NAALADL2: variants seen among roughly 807,000 people sequenced by gnomAD.
NAALADL2 encodes the protein inactive N-acetylated-alpha-linked acidic dipeptidase-like protein 2.
A neutral mutation model predicts 87.2 loss-of-function variants in NAALADL2; 76 were observed. The observed-to-expected ratio is 0.87, with a 90% CI of 0.72 to 1.05. The LOEUF is 1.05. Among genes scored for constraint, NAALADL2 ranks in the 50% least tolerant of loss-of-function variants. NAALADL2 has a pLI of 0.00. For synonymous variants in NAALADL2, 354 were observed against 331.0 expected, an observed-to-expected ratio of 1.07 and a Z score of -0.75; for missense variants, 1,089 against 945.8, an observed-to-expected ratio of 1.15 and a Z score of -1.99.
chr3:175,182,201 A>G (rs2108997304), intron 2 of NAALADL2, among the ~76,000 whole-genome samples: 1 of 152,112 alleles, frequency 6.6e-6, no homozygotes, highest in African/African-American at 2.4e-5. Flanking sequence ...TCTTCTTTGG[A>G]AAAATGTCTA....
rs940604297 is a variant in NAALADL2, at chr3:174,853,237, G to A, written c.-9+115491G>A. On this transcript the variant is annotated intron_variant, in intron 3 of 3. Coordinates refer to the NAALADL2 transcript ENST00000434257. Reference sequence around the variant, plus strand: ...AAAAAAAAAAAAAAAAATTAGCCGGGTGTGGTGGCTCGCACCTGTAGTCCC... The same window carrying A: ...AAAAAAAAAAAAAAAAATTAGCCGGATGTGGTGGCTCGCACCTGTAGTCCC... 5.7e-5 allele frequency among the ~76,000 whole-genome samples: 8 copies of A among 139,322 alleles called. No individual in the cohort carries two copies. In the East Asian group the frequency reaches 1.3e-3, roughly 23 times the overall value. The allele number at this position is 139,322 out of a possible 152,430, so 91.4% of individuals were successfully genotyped here.
chr3:175,424,695 G>C (rs1057209459), intron 5 of NAALADL2, among the ~76,000 whole-genome samples: 3 of 151,930 alleles, frequency 2.0e-5, no homozygotes, highest in Middle Eastern at 3.2e-3. Context: ...AGCCTTGTAG[G>C]ATGGTTTGAA....
chr3:175,088,946 C>T (rs1286419493), intron 1 of NAALADL2, among the ~76,000 whole-genome samples: 2 of 151,964 alleles, frequency 1.3e-5, no homozygotes, highest in Admixed American at 1.3e-4. Context: ...GAAAACAGGT[C>T]GGCAGCAGGT....
At chr3:175,198,334 C>A (rs1264689558) in intron 2 of NAALADL2, among the ~76,000 whole-genome samples, 1 of 151,786 alleles carries the variant, frequency 6.6e-6, no homozygotes, top group Non-Finnish European at 1.5e-5. Flanking sequence ...TTTAAAAGTC[C>A]ATTTTTTCTA....
intron 9 of NAALADL2, among the ~76,000 whole-genome samples, chr3:175,526,827 T>G (rs957073761): frequency 6.6e-6 from 1 of 152,104 alleles, no homozygotes; most frequent in Non-Finnish European, 1.5e-5. Context: ...TACTTTCACT[T>G]TTAGGTGAAA....
intron 5 of NAALADL2, among the ~76,000 whole-genome samples, chr3:175,407,962 A>C (rs1712711291): frequency 6.6e-6 from 1 of 152,150 alleles, no homozygotes; most frequent in Admixed American, 6.5e-5. Context: ...CAATAGTTTT[A>C]ATTTACTTGG....
chr3:175,133,717 A>G (rs1383986557), intron 2 of NAALADL2, among the ~76,000 whole-genome samples: 1 of 152,074 alleles, frequency 6.6e-6, no homozygotes, highest in Non-Finnish European at 1.5e-5. Context: ...CCGTGGAAAG[A>G]GAGGGAGAGG....
At chr3:174,852,751 G>A (rs1725398102) in intron 3 of NAALADL2, among the ~76,000 whole-genome samples, 1 of 152,072 alleles carries the variant, frequency 6.6e-6, no homozygotes, top group South Asian at 2.1e-4. Flanking sequence ...ACTCAGAATA[G>A]CCAAAGCTAT....
chr3:174,547,696 A>C (rs1711556656), intron 1 of NAALADL2, among the ~76,000 whole-genome samples: 1 of 152,110 alleles, frequency 6.6e-6, no homozygotes, highest in South Asian at 2.1e-4. Context: ...TTTTCTATAT[A>C]TATTTTTATC....
At chr3:175,206,100 C>T (rs1268603792) in intron 2 of NAALADL2, among the ~76,000 whole-genome samples, 1 of 151,538 alleles carries the variant, frequency 6.6e-6, no homozygotes, top group Admixed American at 6.6e-5. Context: ...TACTAAGTAT[C>T]TACCCACAGG....
At chr3:175,205,014 AATG>A (rs1338741674) in intron 2 of NAALADL2, among the ~76,000 whole-genome samples, 2 of 152,182 alleles carry the variant, frequency 1.3e-5, no homozygotes, top group Non-Finnish European at 2.9e-5. Context: ...ATATTGTAAA[AATG>A]ATCATACTGC....
chr3:175,521,842 A>C (rs1732703520), intron 9 of NAALADL2, among the ~76,000 whole-genome samples: 1 of 152,200 alleles, frequency 6.6e-6, no homozygotes, highest in Non-Finnish European at 1.5e-5. Flanking sequence ...AATGAATGTC[A>C]GTTGTTTTAA....
intron 2 of NAALADL2, among the ~76,000 whole-genome samples, chr3:174,723,517 A>T (rs1205752391): frequency 1.3e-5 from 2 of 152,146 alleles, no homozygotes. Flanking sequence ...GCACTTTGGG[A>T]TGCCGAGATG....
At chr3:175,074,295 C>T (rs1030993399) in intron 1 of NAALADL2, among the ~76,000 whole-genome samples, 5 of 151,982 alleles carry the variant, frequency 3.3e-5, no homozygotes, top group Admixed American at 6.6e-5. Flanking sequence ...CTAATCAAAG[C>T]TATTAACGTG....
intron 11 of NAALADL2, among the ~76,000 whole-genome samples, chr3:175,650,798 C>A (rs1730660318): frequency 6.6e-6 from 1 of 152,156 alleles, no homozygotes; most frequent in Admixed American, 6.5e-5. Flanking sequence ...AGATACTTGA[C>A]ATCCAGATCA....
chr3:175,719,036 A>T (rs747555651), intron 11 of NAALADL2, among the ~76,000 whole-genome samples: 1 of 152,088 alleles, frequency 6.6e-6, no homozygotes, highest in Non-Finnish European at 1.5e-5. Flanking sequence ...TTTAGTTGCG[A>T]TTGGGCCAGG....
intron 5 of NAALADL2, among the ~76,000 whole-genome samples, chr3:175,364,994 A>G (rs1210943036): frequency 1.4e-5 from 2 of 147,742 alleles, no homozygotes; most frequent in African/African-American, 2.5e-5. Flanking sequence ...TTAGTGTATG[A>G]AAATAATCTT....
At chr3:175,418,610 G>A (rs770348761) in intron 5 of NAALADL2, among the ~76,000 whole-genome samples, 8 of 152,124 alleles carry the variant, frequency 5.3e-5, no homozygotes, top group Admixed American at 2.6e-4. Flanking sequence ...CTCATTATCC[G>A]TGGAAGATGG....
At chr3:175,049,545 G>GT (rs1221278228) in intron 1 of NAALADL2, among the ~76,000 whole-genome samples, 1 of 152,188 alleles carries the variant, frequency 6.6e-6, no homozygotes, top group Non-Finnish European at 1.5e-5. Context: ...TCCATCCTTT[G>GT]TATCCCCTCT....
Sources: gnomAD v4.1 joint callset for allele counts (sites outside exome capture counted in the v4.1 genomes callset) on GRCh38, gnomAD v4.1.1 for gene constraint, MANE v1.5 for transcripts, NCBI Gene and HGNC (gene_info 2026-07-23, HGNC 2026-07-21) for gene names.